Variants in METTL6 observed in about 807,000 individuals in gnomAD.
The protein encoded by METTL6 is methyltransferase 6, tRNA N3-cytidine, also known as tRNA N(3)-cytidine methyltransferase METTL6.
A neutral mutation model predicts 26.4 loss-of-function variants in METTL6; 22 were observed. The ratio of observed to expected loss-of-function variants is 0.83; its 90% CI spans 0.59 to 1.19. The LOEUF is 1.19. METTL6 is among the 50% of genes most tolerant of loss of function. The pLI, the probability that METTL6 is intolerant of heterozygous loss-of-function variation, is 0.00. For missense variants in METTL6, 304 were observed against 324.8 expected (o/e 0.94, Z 0.49); for synonymous variants, 109 against 116.2 (o/e 0.94, Z 0.40).
At chr3:15,383,507 CA>C (rs1699121325) in exon 7 of METTL6, 1 of 151,608 alleles carries the variant, frequency 6.6e-6, no homozygotes, top group Admixed American at 6.6e-5. Context: ...CTTGGCCTCT[CA>C]AAGTGTTGGA....
chr3:15,417,501 T>C (rs56187361), intron 3 of METTL6, among the ~76,000 whole-genome samples: 1 of 148,260 alleles, frequency 6.7e-6, no homozygotes, highest in Non-Finnish European at 1.5e-5. Context: ...GAATGAAGAA[T>C]AATAAAGGAG....
intron 3 of METTL6, among the ~76,000 whole-genome samples, chr3:15,421,949 G>A (rs909128670): frequency 6.6e-6 from 1 of 151,824 alleles, no homozygotes; most frequent in African/African-American, 2.4e-5. Flanking sequence ...TTTTTTTGTA[G>A]AGACAGAGTC....
chr3:15,402,109 G>A (rs562164065), intron 6 of METTL6, among the ~76,000 whole-genome samples: 41 of 152,228 alleles, frequency 2.7e-4, no homozygotes, highest in Admixed American at 1.2e-3. Context: ...GAGCCAGATC[G>A]GGACCTCTTT....
chr3:15,401,157 A>G (rs189158411), intron 6 of METTL6, among the ~76,000 whole-genome samples: 3,275 of 151,972 alleles, frequency 0.022, 99 homozygotes, highest in African/African-American at 0.072. Flanking sequence ...CTCCTGCCTC[A>G]GCCTCCTGAG....
At position 15,383,591 on chromosome 3, in the gene METTL6, T is replaced by A. The variant is rs372827116; in HGVS notation, c.*608A>T. ...TTCTCAATACAAAGAAAAAGAAGTA[T>A]GTGAGGAGTGTGATATGCTAATTAG... On this transcript the variant is annotated 3_prime_UTR_variant, in exon 7 of 7. Transcript: ENST00000443029. 35 of 152,252 alleles carry A rather than the reference T, an allele frequency of 2.3e-4. 2 individuals carry two copies. Among genetic ancestry groups the A allele is most frequent in the Admixed American group, 1.2e-3 (18 of 15,284 alleles). The allele number at this position is 152,252 out of a possible 1,614,324, so 9.4% of individuals were successfully genotyped here.
chr3:15,408,003 C>T (rs1003330020), downstream of METTL6, among the ~76,000 whole-genome samples: 2 of 152,156 alleles, frequency 1.3e-5, no homozygotes, highest in African/African-American at 4.8e-5. Context: ...ATAAGACCTG[C>T]TGTAATGCAG....
chr3:15,425,571 A>T (rs2061699017), intron 2 of METTL6, among the ~76,000 whole-genome samples: 1 of 152,220 alleles, frequency 6.6e-6, no homozygotes, highest in African/African-American at 2.4e-5. Flanking sequence ...TTTTGTTTTT[A>T]AAATTTTTAA....
At chr3:15,402,784 A>G (rs1267146270) in intron 6 of METTL6, among the ~76,000 whole-genome samples, 1 of 151,836 alleles carries the variant, frequency 6.6e-6, no homozygotes, top group Non-Finnish European at 1.5e-5. Context: ...CAAAAACCTG[A>G]AAAGACACCT....
chr3:15,403,715 A>T (rs1699710031), intron 6 of METTL6, among the ~76,000 whole-genome samples: 1 of 152,252 alleles, frequency 6.6e-6, no homozygotes, highest in African/African-American at 2.4e-5. Flanking sequence ...TGGATCTAGC[A>T]AAATAAATAA....
At chr3:15,404,392 G>A (rs1285360072) in intron 6 of METTL6, among the ~76,000 whole-genome samples, 1 of 152,136 alleles carries the variant, frequency 6.6e-6, no homozygotes, top group Non-Finnish European at 1.5e-5. Context: ...ACACAGGCTG[G>A]AGTACAGTGA....
rs1364300463 is a variant in METTL6 at position 15,414,165 on chromosome 3, A to G, written c.532-3T>C. 2 of 1,603,856 alleles carry G rather than the reference A, an allele frequency of 1.2e-6. No homozygotes were observed. Among genetic ancestry groups the G allele is most frequent in the African/African-American group, 1.3e-5 (1 of 74,264 alleles). On this transcript the variant is annotated splice_polypyrimidine_tract_variant and splice_region_variant and intron_variant, in intron 4 of 5. Transcript: ENST00000383790. ...ACACTTTTGCCTGGTTTTAATACCT[A>G]TGAAACAAAAGCAGGCTGAACATGA... is the stretch of plus-strand genomic sequence containing the variant.
chr3:15,414,911 G>T, intron 4 of METTL6: 1 of 1,091,698 alleles, frequency 9.2e-7, no homozygotes, highest in Non-Finnish European at 1.2e-6. Flanking sequence ...GACACAGCAA[G>T]ACCCTGTCTC....
At chr3:15,401,536 C>CAAAAAAAAAAAAAAAAAAAAAAA (rs35578326) in intron 6 of METTL6, among the ~76,000 whole-genome samples, 22 of 71,802 alleles carry the variant, frequency 3.1e-4, no homozygotes, top group Middle Eastern at 8.3e-3. Flanking sequence ...ATGTTCACGC[C>CAAAAAAAAAAAAAAAAAAAAAAA]AAAAAAAAAA....
chr3:15,418,706 A>G (rs1489893391), intron 3 of METTL6, among the ~76,000 whole-genome samples: 1 of 152,232 alleles, frequency 6.6e-6, no homozygotes, highest in Non-Finnish European at 1.5e-5. Context: ...ACCAAAAATT[A>G]GTAAGAGCAA....
downstream of METTL6, among the ~76,000 whole-genome samples, chr3:15,407,465 C>T (rs1699833915): frequency 6.6e-6 from 1 of 152,190 alleles, no homozygotes; most frequent in Non-Finnish European, 1.5e-5. Context: ...ATATGCCCAG[C>T]CAACCACTGG....
chr3:15,384,688 G>A (rs1575379039), intron 6 of METTL6: 1 of 152,672 alleles, frequency 6.5e-6, no homozygotes, highest in East Asian at 1.9e-4. Flanking sequence ...GAGGTGAGCT[G>A]TGATCACGCC....
At chr3:15,419,838 A>C (rs2061568283) in intron 3 of METTL6, among the ~76,000 whole-genome samples, 1 of 151,832 alleles carries the variant, frequency 6.6e-6, no homozygotes, top group Admixed American at 6.6e-5. Context: ...ATTCAAATAA[A>C]TATAAATAGG....
intron 6 of METTL6, among the ~76,000 whole-genome samples, chr3:15,401,300 A>G (rs1474309430): frequency 1.3e-5 from 2 of 151,966 alleles, no homozygotes; most frequent in Non-Finnish European, 2.9e-5. Flanking sequence ...CGGCCTCCCA[A>G]AGTGCTGGGA....
At chr3:15,414,254 T>A in intron 4 of METTL6, 92 bp from the exon 5 acceptor site, 1 of 1,515,920 alleles carries the variant, frequency 6.6e-7, no homozygotes, top group East Asian at 2.3e-5. Flanking sequence ...TTTGTGATAG[T>A]TACTAAGGGG....
Sources: gnomAD v4.1 joint callset for allele counts (sites outside exome capture counted in the v4.1 genomes callset) on GRCh38, gnomAD v4.1.1 for gene constraint, MANE v1.5 for transcripts, NCBI Gene and HGNC (gene_info 2026-07-23, HGNC 2026-07-21) for gene names.